The following TPRG1L variants were observed in gnomAD, a reference collection of about 807,000 sequenced individuals.
TPRG1L encodes tumor protein p63-regulated gene 1-like protein.
Under a neutral mutation model 29.4 loss-of-function variants are expected in TPRG1L, and 25 were observed. The observed-to-expected ratio is 0.85, with a 90% CI of 0.62 to 1.19. The LOEUF is 1.19. Ranked by LOEUF, TPRG1L falls within the 50% of genes most tolerant of loss-of-function variation. The probability of loss-of-function intolerance (pLI) is 0.00; values close to 1 mark genes in which losing one functional copy is unlikely to be tolerated. For missense variants in TPRG1L, 354 were observed against 364.4 expected (o/e 0.97, Z 0.23); for synonymous variants, 182 against 151.1 (o/e 1.20, Z -1.50).
rs1557449211 is a variant in TPRG1L, at chr1:3,627,526, A to G, written c.497A>G (p.Gln166Arg). 6.2e-7 allele frequency: 1 copy of G among 1,614,044 alleles called. No homozygotes were observed. The highest frequency in any genetic ancestry group is 2.2e-5 in the East Asian group (1 of 44,884). Residue 166 changes from glutamine (Q) to arginine (R), a missense_variant, in exon 4 of 5, where the codon CAG becomes CGG. Transcript: ENST00000378344. ...CGAGAAGGTTTTGGGATTCGAATTCAGTGGGACAAGCAAAGTCGTCCTTCC... is the reference window on the plus strand; with the variant it reads ...CGAGAAGGTTTTGGGATTCGAATTCGGTGGGACAAGCAAAGTCGTCCTTCC... ...NKREGFGIRI[Q>R]WDKQSRPSFI...
Position 3,625,410 on chromosome 1 carries a change from C to T in TPRG1L, c.202-14C>T. The T allele has an allele frequency of 3.2e-6, 5 of 1,577,494 alleles. No individual in the cohort carries two copies. The highest frequency in any genetic ancestry group is 2.3e-5 in the East Asian group (1 of 43,504). On this transcript the variant is annotated splice_polypyrimidine_tract_variant and intron_variant, in intron 1 of 4. Coordinates refer to ENST00000378344, the MANE Select transcript of TPRG1L (RefSeq NM_182752.4). Reference sequence around the variant, plus strand: ...TGATCTTTGCCCCCGTCCCCCACCCCGCAACCCGCCCAGCCCGGCAGCATC... The same window carrying T: ...TGATCTTTGCCCCCGTCCCCCACCCTGCAACCCGCCCAGCCCGGCAGCATC...
chr1:3,628,301 A>G (rs1644502955), intron 4 of TPRG1L, 108 bp from the exon 5 acceptor site: 10 of 954,788 alleles, frequency 1.0e-5, no homozygotes, highest in Middle Eastern at 2.3e-4. Context: ...ACGAAGAGAT[A>G]GGCGGCATTT....
At position 3,627,482 on chromosome 1, in the gene TPRG1L, TTTC is replaced by T. The variant is rs758829579; in HGVS notation, c.471-13_471-11del. The T allele has an allele frequency of 6.2e-6, 10 of 1,613,406 alleles. No homozygotes were observed. Among genetic ancestry groups the T allele is most frequent in the Non-Finnish European group, 1.7e-6 (2 of 1,179,678 alleles). On this transcript the variant is annotated splice_polypyrimidine_tract_variant and intron_variant, in intron 3 of 4. Transcript: ENST00000378344. ...TGGCCTGCCATGCTAAGTCTGGCTATTTCTTCTGACTTTTCAGGCGAGAAGGTT... is the reference window on the plus strand; with the variant it reads ...TGGCCTGCCATGCTAAGTCTGGCTATTTCTGACTTTTCAGGCGAGAAGGTT...
rs998414220 is a variant in TPRG1L, at chr1:3,628,786, C to G, written c.*183C>G. 1.8e-6 allele frequency: 1 copy of G among 560,700 alleles called. No homozygotes were observed. Among genetic ancestry groups the G allele is most frequent in the Non-Finnish European group, 3.1e-6 (1 of 327,124 alleles). The allele number at this position is 560,700 out of a possible 1,614,324, so 34.7% of individuals were successfully genotyped here. ...CACAATTAGAATCGTAAAGTGAATT[C>G]TATCTATTTAATTGGATATTGGACT... On this transcript the variant is annotated 3_prime_UTR_variant, in exon 5 of 5. Transcript: ENST00000378344.
Position 3,625,405 on chromosome 1 carries a change from C to A in TPRG1L, c.202-19C>A, listed in dbSNP as rs774356241. The A allele has an allele frequency of 7.0e-6, 11 of 1,571,132 alleles. No individual in the cohort carries two copies. Among genetic ancestry groups the A allele is most frequent in the Middle Eastern group, 3.7e-4 (2 of 5,362 alleles). ...ACCTGTGATCTTTGCCCCCGTCCCC[C>A]ACCCCGCAACCCGCCCAGCCCGGCA... On this transcript the variant is annotated intron_variant, in intron 1 of 4. Coordinates refer to ENST00000378344, the MANE Select transcript of TPRG1L (RefSeq NM_182752.4).
At chr1:3,627,796 G>C in intron 4 of TPRG1L, 143 bp downstream of exon 4, 1 of 1,056,096 alleles carries the variant, frequency 9.5e-7, no homozygotes, top group African/African-American at 1.6e-5. Context: ...AATGAGAGAG[G>C]AAGCTCTCAT....
At position 3,625,427 on chromosome 1, in the gene TPRG1L, G is replaced by T; in HGVS notation, c.205G>T (p.Gly69Cys). The T allele has an allele frequency of 6.3e-7, 1 of 1,592,446 alleles. No homozygotes were observed. Among genetic ancestry groups the T allele is most frequent in the Non-Finnish European group, 8.5e-7 (1 of 1,170,210 alleles). Residue 69 changes from glycine (G) to cysteine (C), a missense_variant, in exon 2 of 5, where the codon GGC becomes TGC. Physicochemically the swap from Gly to Cys is radical, Grantham distance 159 (BLOSUM62 -3). Coordinates refer to ENST00000378344, the MANE Select transcript of TPRG1L (RefSeq NM_182752.4). Reference sequence around the variant, plus strand: ...CCCCACCCCGCAACCCGCCCAGCCCGGCAGCATCGAGCAGGCAGTGGAGGA... The same window carrying T: ...CCCCACCCCGCAACCCGCCCAGCCCTGCAGCATCGAGCAGGCAGTGGAGGA... ...RVKEYFVFRPGSIEQAVEEIR... is the reference protein window; with the variant it reads ...RVKEYFVFRPCSIEQAVEEIR...
At position 3,625,211 on chromosome 1, in the gene TPRG1L, T is replaced by TG; in HGVS notation, c.141dup (p.Pro48AlafsTer58). The TG allele has an allele frequency of 1.5e-6, 2 of 1,331,474 alleles. No homozygotes were observed. Among genetic ancestry groups the TG allele is most frequent in the Non-Finnish European group, 1.9e-6 (2 of 1,044,586 alleles). 82.5% of individuals were successfully genotyped at this position (1,331,474 alleles called of 1,614,324 possible). ...GGGGACGCCGCTGCGCCAGACACTCTGGCCTCTCAGCATCCACGACCCCAC... is the reference window on the plus strand; with the variant it reads ...GGGGACGCCGCTGCGCCAGACACTCTGGGCCTCTCAGCATCCACGACCCCAC... On this transcript the variant is annotated frameshift_variant, in exon 1 of 5. Transcript: ENST00000378344. LOFTEE classifies it high-confidence loss of function.
At position 3,625,431 on chromosome 1, in the gene TPRG1L, G is replaced by C; in HGVS notation, c.209G>C (p.Ser70Thr). The part of the protein sequence containing the change: ...VKEYFVFRPG[S>T]IEQAVEEIRV... ...ACCCCGCAACCCGCCCAGCCCGGCAGCATCGAGCAGGCAGTGGAGGAGATC... is the reference window on the plus strand; with the variant it reads ...ACCCCGCAACCCGCCCAGCCCGGCACCATCGAGCAGGCAGTGGAGGAGATC... The change falls in exon 2 of 5, where the codon AGC becomes ACC. Residue 70 changes from serine to threonine, a missense_variant. Physicochemically the swap from Ser to Thr is moderately conservative, Grantham distance 58 (BLOSUM62 1). Transcript: ENST00000378344. 1 of 1,598,508 alleles carries C rather than the reference G, an allele frequency of 6.3e-7. No homozygotes were observed. The highest frequency in any genetic ancestry group is 8.5e-7 in the Non-Finnish European group (1 of 1,174,168).
intron 1 of TPRG1L, 72 bp from the exon 2 acceptor site, chr1:3,625,352 C>G: frequency 1.3e-6 from 2 of 1,535,142 alleles, no homozygotes; most frequent in Non-Finnish European, 1.8e-6. Context: ...AGGCGGGCGC[C>G]GGGCGGTCCC....
intron 4 of TPRG1L, among the ~76,000 whole-genome samples, chr1:3,628,014 GGCCTCGGGGCTGGGGTTAGA>G (rs1424847580): frequency 6.6e-6 from 1 of 152,244 alleles, no homozygotes; most frequent in Non-Finnish European, 1.5e-5. Flanking sequence ...CAGGAGAGGA[GGCCTCGGGGCTGGGGTTAGA>G]GCAGAGCCCA....
At chr1:3,625,599 C>T (rs1005279766) in intron 2 of TPRG1L, 84 bp downstream of exon 2, 2 of 1,559,958 alleles carry the variant, frequency 1.3e-6, no homozygotes, top group Non-Finnish European at 1.7e-6. Context: ...CCGGGGTGCT[C>T]GTGCCACGCT....
chr1:3,625,607 G>T, intron 2 of TPRG1L, 92 bp downstream of exon 2: 1 of 1,559,566 alleles, frequency 6.4e-7, no homozygotes, highest in Non-Finnish European at 8.7e-7. Flanking sequence ...CTCGTGCCAC[G>T]CTCAGGCGCC....
chr1:3,627,709 C>G (rs551115533), intron 4 of TPRG1L, 56 bp downstream of exon 4: 2 of 1,603,310 alleles, frequency 1.2e-6, no homozygotes, highest in African/African-American at 2.7e-5. Flanking sequence ...AAACACCCCC[C>G]GCAGTCACGG....
In TPRG1L at chr1:3,625,444, A is replaced by G. The variant is rs934625628; in HGVS notation, c.222A>G (p.Ala74=). 1.9e-6 allele frequency: 3 copies of G among 1,601,064 alleles called. No homozygotes were observed. Among genetic ancestry groups the G allele is most frequent in the East Asian group, 4.5e-5 (2 of 44,320 alleles). The change falls in exon 2 of 5, where the codon GCA becomes GCG. Residue 74 remains alanine, a synonymous_variant. Coordinates refer to ENST00000378344, the MANE Select transcript of TPRG1L (RefSeq NM_182752.4). ...FVFRPGSIEQ[A]VEEIRVVVRP... is the part of the protein sequence containing the mutation. ...CCCAGCCCGGCAGCATCGAGCAGGC[A>G]GTGGAGGAGATCCGCGTGGTGGTGC... is the stretch of plus-strand genomic sequence containing the variant.
chr1:3,627,645 CTG>C lies in TPRG1L; in HGVS notation c.620_621del (p.Cys207SerfsTer49). 6.2e-7 allele frequency: 1 copy of C among 1,613,306 alleles called. No individual in the cohort carries two copies. Among genetic ancestry groups the C allele is most frequent in the Non-Finnish European group, 8.5e-7 (1 of 1,179,982 alleles). On this transcript the variant is annotated frameshift_variant, in exon 4 of 5. Transcript: ENST00000378344. LOFTEE classifies it high-confidence loss of function. ...TGGCGCAGATGAGAAGACAGCATCT[CTG>C]TGTCAGGTAAGAAGACAGGCACATA... ...MAGADEKTAS[L>X]CQLESFKALL...
Position 3,625,171 on chromosome 1 carries a change from G to A in TPRG1L, c.99G>A (p.Gly33=). The A allele has an allele frequency of 4.8e-6, 6 of 1,242,822 alleles. No individual in the cohort carries two copies. Among genetic ancestry groups the A allele is most frequent in the Non-Finnish European group, 6.1e-6 (6 of 991,568 alleles). 77.0% of individuals were successfully genotyped at this position (1,242,822 alleles called of 1,614,324 possible). ...EEVGAGGGPG[G]GRPGAGTPLR... is the part of the protein sequence containing the mutation. The stretch of plus-strand genomic sequence containing the variant: ...TGGGGGCAGGCGGCGGCCCGGGCGG[G>A]GGGCGGCCGGGGGCGGGGACGCCGC... Residue 33 remains glycine (G), a synonymous_variant, in exon 1 of 5, where the codon GGG becomes GGA. Transcript: ENST00000378344.
intron 3 of TPRG1L, among the ~76,000 whole-genome samples, chr1:3,626,760 G>A (rs890845956): frequency 2.0e-5 from 3 of 151,748 alleles, no homozygotes; most frequent in Non-Finnish European, 4.4e-5. Context: ...TGTATTTTTT[G>A]TAGAGATGGG....
intron 3 of TPRG1L, among the ~76,000 whole-genome samples, chr1:3,627,264 C>T (rs1385987547): frequency 1.3e-5 from 2 of 152,182 alleles, no homozygotes; most frequent in African/African-American, 4.8e-5. Context: ...GAGCCAACAT[C>T]AGGCCACTAC....
Sources: gnomAD v4.1 joint callset for allele counts (sites outside exome capture counted in the v4.1 genomes callset) on GRCh38, gnomAD v4.1.1 for gene constraint, MANE v1.5 for transcripts, NCBI Gene and HGNC (gene_info 2026-07-23, HGNC 2026-07-21) for gene names.